EXOSC8: variants seen among roughly 807,000 people sequenced by gnomAD.
The protein encoded by EXOSC8 is exosome component 8, also known as exosome complex component RRP43.
In EXOSC8, 37 loss-of-function variants were observed where a neutral mutation model predicts 39.9. That is an observed-to-expected ratio of 0.93 (90% CI 0.71 to 1.22). The LOEUF is 1.22. EXOSC8 is among the 50% of genes most tolerant of loss of function. EXOSC8 has a pLI of 0.00. For missense variants in EXOSC8, 313 were observed against 326.6 expected (o/e 0.96, Z 0.32); for synonymous variants, 93 against 109.5 (o/e 0.85, Z 0.94).
intron 1 of EXOSC8, 57 bp downstream of exon 1, chr13:37,000,879 T>C: frequency 6.9e-7 from 1 of 1,449,758 alleles, no homozygotes; most frequent in Non-Finnish European, 9.1e-7. Flanking sequence ...GCAGCTTCCT[T>C]TAACTCTTAG....
At chr13:37,005,513 A>G (rs769394107) in intron 5 of EXOSC8, among the ~76,000 whole-genome samples, 3 of 152,176 alleles carry the variant, frequency 2.0e-5, no homozygotes, top group Non-Finnish European at 2.9e-5. Context: ...GAGCCTGTCC[A>G]TGGCCACAGT....
rs868813945 is a variant in EXOSC8 at position 37,005,907 on chromosome 13, G to C, written c.239-13G>C. 2.8e-6 allele frequency: 3 copies of C among 1,068,112 alleles called. No individual in the cohort carries two copies. The Middle Eastern group carries it at 6.2e-4, about 219-fold the overall frequency. 66.2% of individuals were successfully genotyped at this position (1,068,112 alleles called of 1,614,324 possible). A position where few individuals can be genotyped will look rare whatever the true frequency, so the allele number is the denominator to read the frequency against. On this transcript the variant is annotated splice_polypyrimidine_tract_variant and intron_variant, in intron 5 of 10. Transcript: ENST00000389704. ...AAAAGGTTTAGTTCATAGCTGCAGA[G>C]TGTTTCTTTCAGTTCCTAATGTGGA...
intron 3 of EXOSC8, 53 bp downstream of exon 3, chr13:37,002,604 A>G (rs534999679): frequency 8.2e-6 from 10 of 1,222,340 alleles, no homozygotes; most frequent in East Asian, 7.1e-5. Context: ...GTTTTAGTCT[A>G]TGAACCAGCC....
intron 4 of EXOSC8, chr13:37,003,679 A>C (rs1238666650): frequency 6.6e-6 from 1 of 152,278 alleles, no homozygotes; most frequent in African/African-American, 2.4e-5. Flanking sequence ...GCTCCTTGTC[A>C]GGTTTTATGC....
Position 37,009,495 on chromosome 13 carries a change from T to C in EXOSC8, c.*196T>C. 1.1e-6 allele frequency: 1 copy of C among 888,482 alleles called. No homozygotes were observed. The highest frequency in any genetic ancestry group is 1.7e-6 in the Non-Finnish European group (1 of 578,740). The allele number at this position is 888,482 out of a possible 1,614,324, so 55.0% of individuals were successfully genotyped here. A position where few individuals can be genotyped will look rare whatever the true frequency, so the allele number is the denominator to read the frequency against. ...ATGACTTAGGCAAACCAACCCTAGT[T>C]TGTTAAACCATTTCCCTGTTTTTAT... On this transcript the variant is annotated 3_prime_UTR_variant, in exon 11 of 11. Coordinates refer to ENST00000389704, the MANE Select transcript of EXOSC8 (RefSeq NM_181503.3).
At chr13:37,002,573 T>A (rs757278316) in intron 3 of EXOSC8, 22 bp downstream of exon 3, 2 of 1,513,792 alleles carry the variant, frequency 1.3e-6, no homozygotes, top group South Asian at 1.2e-5. Context: ...TTTTCCACTT[T>A]CAACTGTATG....
At chr13:37,002,003 AACG>A (rs2059109076) in intron 1 of EXOSC8, among the ~76,000 whole-genome samples, 1 of 152,208 alleles carries the variant, frequency 6.6e-6, no homozygotes, top group African/African-American at 2.4e-5. Flanking sequence ...TCAGAGCAAG[AACG>A]ACATGATTCT....
chr13:37,009,149 C>T (rs1262237290), intron 10 of EXOSC8, 35 bp from the exon 11 acceptor site: 1 of 1,330,286 alleles, frequency 7.5e-7, no homozygotes, highest in Non-Finnish European at 1.1e-6. Flanking sequence ...GGAATGATAA[C>T]TGAGATTAAA....
At chr13:37,000,946 G>A in intron 1 of EXOSC8, 124 bp downstream of exon 1, 1 of 1,224,752 alleles carries the variant, frequency 8.2e-7, no homozygotes, top group South Asian at 1.6e-5. Flanking sequence ...CTTCCTCGTC[G>A]AGGCAGACGA....
intron 9 of EXOSC8, among the ~76,000 whole-genome samples, chr13:37,008,495 C>A (rs945266515): frequency 6.6e-6 from 1 of 152,224 alleles, no homozygotes; most frequent in African/African-American, 2.4e-5. Context: ...GTGGCTCATG[C>A]CTGTAATCCC....
At chr13:37,007,096 A>G (rs759842685) in intron 8 of EXOSC8, 25 bp downstream of exon 8, 135 of 1,376,342 alleles carry the variant, frequency 9.8e-5, no homozygotes, top group African/African-American at 1.3e-4. Flanking sequence ...AAAAAAGGCA[A>G]TATTCCCACT....
chr13:37,008,224 G>A, intron 9 of EXOSC8, 47 bp downstream of exon 9: 1 of 1,455,434 alleles, frequency 6.9e-7, no homozygotes, highest in Non-Finnish European at 9.5e-7. Flanking sequence ...TTAAGATTAG[G>A]GTAATTGATG....
chr13:37,007,986 A>T (rs2059159310), intron 8 of EXOSC8, 71 bp from the exon 9 acceptor site: 7 of 332,928 alleles, frequency 2.1e-5, no homozygotes, highest in South Asian at 7.4e-5. Flanking sequence ...AAGGTGAATT[A>T]AAAAAAAAAA....
intron 1 of EXOSC8, 44 bp downstream of exon 1, chr13:37,000,866 A>T (rs1036545879): frequency 6.8e-7 from 1 of 1,471,006 alleles, no homozygotes; most frequent in Admixed American, 2.4e-5. Context: ...ACCCTGGCGG[A>T]CGGCAGCTTC....
At position 37,006,027 on chromosome 13, in the gene EXOSC8, T is replaced by C. The variant is rs754323136; in HGVS notation, c.344+2T>C. 40 of 1,595,792 alleles carry C rather than the reference T, an allele frequency of 2.5e-5. No individual in the cohort carries two copies. Among genetic ancestry groups the C allele is most frequent in the Non-Finnish European group, 3.4e-5 (40 of 1,164,006 alleles). On this transcript the variant is annotated splice_donor_variant, in intron 6 of 10. Coordinates refer to ENST00000389704, the MANE Select transcript of EXOSC8 (RefSeq NM_181503.3). LOFTEE classifies it high-confidence loss of function. ...GTTCATTGCAGATGTCATTGAAAAG[T>C]AAGAGCACCATGATAAAATTTTATT...
rs756189607 is a variant in EXOSC8 at position 37,008,828 on chromosome 13, C to G, written c.708C>G (p.His236Gln). ...AGGAAGGCAAACTCTGTTGTCTTCACAAACCAGGCATGTTCCCGCCACTTC... is the reference window on the plus strand; with the variant it reads ...AGGAAGGCAAACTCTGTTGTCTTCAGAAACCAGGCATGTTCCCGCCACTTC... ...MDEEGKLCCL[H>Q]KPGGSGLTGA... Residue 236 changes from histidine (H) to glutamine (Q), a missense_variant, in exon 10 of 11, where the codon CAC becomes CAG. Physicochemically the swap from His to Gln is conservative, Grantham distance 24. Coordinates refer to ENST00000389704, the MANE Select transcript of EXOSC8 (RefSeq NM_181503.3). The G allele has an allele frequency of 1.0e-5, 16 of 1,589,140 alleles. No individual in the cohort carries two copies. Among genetic ancestry groups the G allele is most frequent in the South Asian group, 6.7e-5 (6 of 89,428 alleles).
In EXOSC8 at chr13:37,004,497, C is replaced by T; in HGVS notation, c.193-19C>T. The T allele has an allele frequency of 6.3e-7, 1 of 1,583,948 alleles. No homozygotes were observed. The highest frequency in any genetic ancestry group is 1.1e-5 in the South Asian group (1 of 88,574). ...TTCAGTAGCTTCTTTCAATAGGAAA[C>T]ATTTCTTTGCTACTATAGGAATTTG... On this transcript the variant is annotated intron_variant, in intron 4 of 10. Coordinates refer to ENST00000389704, the MANE Select transcript of EXOSC8 (RefSeq NM_181503.3).
intron 4 of EXOSC8, 46 bp downstream of exon 4, chr13:37,003,053 T>C (rs1260249622): frequency 1.7e-6 from 2 of 1,164,744 alleles, no homozygotes; most frequent in African/African-American, 3.0e-5. Flanking sequence ...CAAAGTTAGC[T>C]TTATTTATTA....
intron 5 of EXOSC8, among the ~76,000 whole-genome samples, chr13:37,004,876 G>C (rs2059128267): frequency 6.6e-6 from 1 of 152,114 alleles, no homozygotes; most frequent in Non-Finnish European, 1.5e-5. Context: ...AGGATTTTGG[G>C]AGGCCAAGAC....
Sources: allele counts gnomAD v4.1 joint callset (sites outside exome capture counted in the v4.1 genomes callset), GRCh38; gene constraint gnomAD v4.1.1; transcripts MANE v1.5; gene names NCBI Gene and HGNC (gene_info 2026-07-23, HGNC 2026-07-21).